The following SHANK2 variants were observed in gnomAD, a reference collection of about 807,000 sequenced individuals.
SHANK2 encodes SH3 and multiple ankyrin repeat domains protein 2.
A neutral mutation model predicts 133.7 loss-of-function variants in SHANK2; 43 were observed. The observed-to-expected ratio is 0.32, with a 90% CI of 0.25 to 0.41. The LOEUF (loss-of-function observed/expected upper bound fraction) is 0.41. Among genes scored for constraint, SHANK2 ranks in the 10% least tolerant of loss-of-function variants. The pLI is 1.00. For missense variants in SHANK2, 1,994 were observed against 2,235.8 expected (o/e 0.89, Z 2.18); for synonymous variants, 1,017 against 952.8 (o/e 1.07, Z -1.24).
intron 9 of SHANK2, among the ~76,000 whole-genome samples, chr11:71,073,152 T>TTC (rs1951168870): frequency 3.1e-5 from 1 of 31,800 alleles, no homozygotes; most frequent in Non-Finnish European, 1.2e-4. Flanking sequence ...CTTTTCTTTT[T>TTC]TTTCTTTTTT....
intron 14 of SHANK2, among the ~76,000 whole-genome samples, chr11:70,772,341 G>T (rs1655069123): frequency 6.6e-6 from 1 of 151,746 alleles, no homozygotes; most frequent in African/African-American, 2.4e-5. Context: ...TCGGGAGGCT[G>T]AGGCAGGAGA....
intron 1 of SHANK2, among the ~76,000 whole-genome samples, chr11:71,242,825 C>T (rs543527201): frequency 6.6e-6 from 1 of 152,336 alleles, no homozygotes; most frequent in African/African-American, 2.4e-5. Flanking sequence ...AGGCCTCATG[C>T]CCGGCTATAA....
intron 17 of SHANK2, among the ~76,000 whole-genome samples, chr11:70,623,236 C>T (rs1257335909): frequency 6.6e-6 from 1 of 152,202 alleles, no homozygotes; most frequent in African/African-American, 2.4e-5. Context: ...CCTCTCCCAC[C>T]CTTCCCGCAC....
intron 17 of SHANK2, among the ~76,000 whole-genome samples, chr11:70,525,788 C>T (rs2059388187): frequency 6.6e-6 from 1 of 151,994 alleles, no homozygotes; most frequent in Non-Finnish European, 1.5e-5. Context: ...CCCCTCCTAG[C>T]CCCCAGGGAT....
rs1421481740 is a variant in SHANK2 at position 70,807,431 on chromosome 11, G to A, written c.1494-260C>T. The stretch of plus-strand genomic sequence containing the variant: ...CTCGGGGAGACGTCTGCACACCTGC[G>A]TTCACAGTGGCACCGTTCACAGCAG... On this transcript the variant is annotated intron_variant, in intron 12 of 25. Transcript: ENST00000601538. The surrounding 1 kb of genome is among the most constrained non-coding windows in gnomAD (Gnocchi z 4.8). 6.6e-6 allele frequency among the ~76,000 whole-genome samples: 1 copy of A among 152,190 alleles called. No individual in the cohort carries two copies. Among genetic ancestry groups the A allele is most frequent in the Non-Finnish European group, 1.5e-5 (1 of 68,032 alleles).
chr11:70,742,731 T>G (rs932145963), intron 14 of SHANK2, among the ~76,000 whole-genome samples: 1 of 152,160 alleles, frequency 6.6e-6, no homozygotes, highest in Admixed American at 6.5e-5. Flanking sequence ...GCCACCCCAC[T>G]GGGCAGCGTG....
chr11:71,221,920 T>C (rs782101873), intron 2 of SHANK2, among the ~76,000 whole-genome samples: 5 of 152,022 alleles, frequency 3.3e-5, no homozygotes, highest in Non-Finnish European at 7.4e-5. Context: ...TCTGAGGACA[T>C]TGGGAGAGCC....
chr11:70,723,779 G>C (rs1235966507), intron 14 of SHANK2, among the ~76,000 whole-genome samples: 1 of 152,128 alleles, frequency 6.6e-6, no homozygotes, highest in African/African-American at 2.4e-5. Context: ...GTCTCTCCTA[G>C]ACCTGAGGAA....
chr11:70,697,028 C>T lies in SHANK2; in HGVS notation c.1853+1660G>A, dbSNP rs191747764. Among the ~76,000 whole-genome samples the T allele has an allele frequency of 5.3e-5, 8 of 152,324 alleles. No individual in the cohort carries two copies. In the East Asian group the frequency reaches 9.6e-4, roughly 18 times the overall value. On this transcript the variant is annotated intron_variant, in intron 15 of 25. Coordinates refer to ENST00000601538, the MANE Select transcript of SHANK2 (RefSeq NM_012309.5). The stretch of plus-strand genomic sequence containing the variant: ...GCCAGTCACAGAAAGATGAATACTT[C>T]GGGATTCCACTCATCTGAGGTTCCT...
chr11:70,736,055 G>A (rs925001528), intron 14 of SHANK2, among the ~76,000 whole-genome samples: 1 of 151,270 alleles, frequency 6.6e-6, no homozygotes, highest in Non-Finnish European at 1.5e-5. Context: ...AGACAAGGAT[G>A]GGCAAACTAG....
intron 11 of SHANK2, among the ~76,000 whole-genome samples, chr11:70,876,882 C>T (rs1949574985): frequency 6.6e-6 from 1 of 152,190 alleles, no homozygotes; most frequent in South Asian, 2.1e-4. Context: ...CACTCCAATA[C>T]TCTGGTCCCG....
Position 70,485,220 on chromosome 11 carries a change from T to C in SHANK2, c.4979+94A>G, listed in dbSNP as rs1372538601. The stretch of plus-strand genomic sequence containing the variant: ...ACACAGGCTTTACGAATTCCCCTCT[T>C]CGTGTCCGCTGGGGCTGCTACCCGA... On this transcript the variant is annotated intron_variant, in intron 25 of 25. Transcript: ENST00000601538. The surrounding 1 kb of genome is among the most constrained non-coding windows in gnomAD (Gnocchi z 5.8). 9.4e-7 allele frequency: 1 copy of C among 1,067,162 alleles called. No homozygotes were observed. The highest frequency in any genetic ancestry group is 1.5e-5 in the African/African-American group (1 of 64,610). 66.1% of individuals were successfully genotyped at this position (1,067,162 alleles called of 1,614,324 possible). A position where few individuals can be genotyped will look rare whatever the true frequency, so the allele number is the denominator to read the frequency against.
chr11:71,140,844 C>G (rs12278819), intron 3 of SHANK2, among the ~76,000 whole-genome samples: 10,784 of 152,296 alleles, frequency 0.071, 870 homozygotes, highest in African/African-American at 0.2. Flanking sequence ...TCCCACGCAG[C>G]GCTGCCTGCT....
intron 2 of SHANK2, among the ~76,000 whole-genome samples, chr11:71,167,461 G>T (rs1165648909): frequency 7.0e-6 from 1 of 143,458 alleles, no homozygotes; most frequent in African/African-American, 2.6e-5. Context: ...GCCGGGCAGA[G>T]GGGCTCCTCA....
At chr11:71,184,763 T>C (rs1188293234) in intron 2 of SHANK2, among the ~76,000 whole-genome samples, 2 of 152,236 alleles carry the variant, frequency 1.3e-5, no homozygotes, top group Non-Finnish European at 2.9e-5. Context: ...TCACGGCGGC[T>C]GATTGAACAT....
At chr11:71,193,576 T>G (rs747299058) in intron 2 of SHANK2, among the ~76,000 whole-genome samples, 1 of 152,118 alleles carries the variant, frequency 6.6e-6, no homozygotes, top group Non-Finnish European at 1.5e-5. Flanking sequence ...GCGTGACTGT[T>G]AGGACCAGAG....
rs1232107275 is a variant in SHANK2 at position 71,147,204 on chromosome 11, C to T, written c.123G>A (p.Ala41=). 4.5e-6 allele frequency: 7 copies of T among 1,550,712 alleles called. No individual in the cohort carries two copies. The highest frequency in any genetic ancestry group is 2.7e-5 in the African/African-American group (2 of 73,048). Residue 41 remains alanine, a synonymous_variant, in exon 3 of 26, where the codon GCG becomes GCA. Transcript: ENST00000601538. ...CCGTCCTGGCACCGCCCGGCTTCTC[C>T]GCAGTGGCCCGGATCGTGTCATAGA... The part of the protein sequence containing the change: ...ETIYDTIRAT[A]EKPGGARTEE...
intron 8 of SHANK2, among the ~76,000 whole-genome samples, chr11:71,083,268 G>T (rs949122233): frequency 6.6e-6 from 1 of 152,052 alleles, no homozygotes; most frequent in Non-Finnish European, 1.5e-5. Flanking sequence ...TAATGATGAC[G>T]TCAGACGTGG....
chr11:70,656,005 C>A (rs1028318623), intron 17 of SHANK2, among the ~76,000 whole-genome samples: 4 of 152,176 alleles, frequency 2.6e-5, no homozygotes, highest in Non-Finnish European at 5.9e-5. Context: ...CTACAGTGAG[C>A]CCTGCATGAC....
Sources: gnomAD v4.1 joint callset for allele counts (sites outside exome capture counted in the v4.1 genomes callset) on GRCh38, gnomAD v4.1.1 for gene constraint, Gnocchi (gnomAD v3.1) non-coding constraint, MANE v1.5 for transcripts, NCBI Gene and HGNC (gene_info 2026-07-23, HGNC 2026-07-21) for gene names.